LGSN: variants seen among roughly 807,000 people sequenced by gnomAD.
The protein encoded by LGSN is lengsin.
In LGSN, 21 loss-of-function variants were observed where a neutral mutation model predicts 19.5. That is an observed-to-expected ratio of 1.07 (90% CI 0.76 to 1.55). The LOEUF is 1.55. Ranked by LOEUF, LGSN falls within the 40% of genes most tolerant of loss-of-function variation. The pLI is 0.00. For missense variants in LGSN, 673 were observed against 608.5 expected (o/e 1.11, Z -1.12); for synonymous variants, 257 against 215.6 (o/e 1.19, Z -1.68).
At chr6:63,377,841 G>A in the LGSN span, among the ~76,000 whole-genome samples, 1 of 149,912 alleles carries the variant, frequency 6.7e-6, no homozygotes, top group Non-Finnish European at 1.5e-5. Context: ...TTGAACCCGG[G>A]AGGTGGAGGT....
chr6:63,447,754 A>C, the LGSN span, among the ~76,000 whole-genome samples: 1 of 152,188 alleles, frequency 6.6e-6, no homozygotes, highest in African/African-American at 2.4e-5. Flanking sequence ...TTTTATGTCA[A>C]AATCTTTCAT....
chr6:63,448,202 T>C, the LGSN span, among the ~76,000 whole-genome samples: 2 of 152,218 alleles, frequency 1.3e-5, no homozygotes, highest in Non-Finnish European at 2.9e-5. Context: ...TATCTCACTA[T>C]GTTATTTTAC....
the LGSN span, among the ~76,000 whole-genome samples, chr6:63,341,457 T>C: frequency 5.9e-5 from 9 of 152,172 alleles, no homozygotes; most frequent in African/African-American, 1.7e-4. Context: ...CAGGTGCTTG[T>C]CCGTCCTGTC....
At chr6:63,548,146 A>C in the LGSN span, among the ~76,000 whole-genome samples, 1 of 152,210 alleles carries the variant, frequency 6.6e-6, no homozygotes, top group Non-Finnish European at 1.5e-5. Context: ...GGTCTCAGTT[A>C]GATGACCCTC....
chr6:63,353,745 A>G, the LGSN span, among the ~76,000 whole-genome samples: 1 of 152,182 alleles, frequency 6.6e-6, no homozygotes, highest in East Asian at 1.9e-4. Context: ...ACTTCAAAAT[A>G]TATTACAAGG....
At chr6:63,546,690 G>C in the LGSN span, among the ~76,000 whole-genome samples, 2 of 151,240 alleles carry the variant, frequency 1.3e-5, no homozygotes, top group Non-Finnish European at 2.9e-5. Context: ...TGGCCAATGA[G>C]AGCAAAACTC....
the LGSN span, chr6:63,442,021 T>C: frequency 1.2e-5 from 2 of 167,358 alleles, no homozygotes; most frequent in African/African-American, 4.8e-5. Context: ...CCGGAGTTTC[T>C]TCCTTCTGGT....
At chr6:63,391,976 T>A in the LGSN span, among the ~76,000 whole-genome samples, 1 of 152,186 alleles carries the variant, frequency 6.6e-6, no homozygotes, top group Non-Finnish European at 1.5e-5. Flanking sequence ...AGTTTATTTT[T>A]AAAAATTACA....
chr6:63,551,685 C>T, the LGSN span, among the ~76,000 whole-genome samples: 1 of 149,858 alleles, frequency 6.7e-6, no homozygotes, highest in Admixed American at 6.7e-5. Context: ...ATCCCTCCCC[C>T]CTCCCCCTAC....
At chr6:63,438,141 G>A in the LGSN span, among the ~76,000 whole-genome samples, 9 of 151,952 alleles carry the variant, frequency 5.9e-5, no homozygotes, top group South Asian at 2.1e-4. Context: ...GGCCAGGTGC[G>A]GTGGCTCATG....
chr6:63,348,781 G>A, the LGSN span, among the ~76,000 whole-genome samples: 1 of 149,932 alleles, frequency 6.7e-6, no homozygotes, highest in African/African-American at 2.5e-5. Context: ...AATAGAGGTG[G>A]GGTCTTGCTG....
chr6:63,319,166 T>C (rs1025020764), intron 1 of LGSN, among the ~76,000 whole-genome samples: 1 of 152,222 alleles, frequency 6.6e-6, no homozygotes, highest in African/African-American at 2.4e-5. Flanking sequence ...CTCCACTACA[T>C]GCAAAAGTGG....
chr6:63,509,403 G>C, the LGSN span, among the ~76,000 whole-genome samples: 1 of 151,938 alleles, frequency 6.6e-6, no homozygotes, highest in Non-Finnish European at 1.5e-5. Context: ...TAATAAAATG[G>C]GAAAATGTTC....
At chr6:63,406,725 T>C in the LGSN span, among the ~76,000 whole-genome samples, 10 of 151,654 alleles carry the variant, frequency 6.6e-5, no homozygotes, top group African/African-American at 2.4e-4. Flanking sequence ...TTCAAAAAAT[T>C]AATGAATCCA....
the LGSN span, among the ~76,000 whole-genome samples, chr6:63,368,194 A>G: frequency 1.3e-5 from 2 of 152,306 alleles, no homozygotes; most frequent in Admixed American, 6.5e-5. Flanking sequence ...TTGAAGTTAA[A>G]GACGCCTGCT....
At chr6:63,405,898 T>C in the LGSN span, among the ~76,000 whole-genome samples, 65 of 152,122 alleles carry the variant, frequency 4.3e-4, no homozygotes, top group African/African-American at 1.6e-3. Context: ...TAAAACAGAC[T>C]TTAAACCAAC....
the LGSN span, among the ~76,000 whole-genome samples, chr6:63,426,082 C>G: frequency 6.6e-6 from 1 of 151,942 alleles, no homozygotes; most frequent in Non-Finnish European, 1.5e-5. Context: ...GACCACAATT[C>G]TCAGAAACTT....
chr6:63,307,899 C>G (rs1446158951), intron 1 of LGSN, among the ~76,000 whole-genome samples: 1 of 152,178 alleles, frequency 6.6e-6, no homozygotes, highest in African/African-American at 2.4e-5. Context: ...GAAGGCATAT[C>G]AAGCAGTCCG....
chr6:63,435,528 C>T, the LGSN span, among the ~76,000 whole-genome samples: 2 of 152,090 alleles, frequency 1.3e-5, no homozygotes, highest in Non-Finnish European at 2.9e-5. Context: ...ACCCACCCAC[C>T]CACAAGGTCT....
Sources: gnomAD v4.1 joint callset for allele counts (sites outside exome capture counted in the v4.1 genomes callset) on GRCh38, gnomAD v4.1.1 for gene constraint, MANE v1.5 for transcripts, NCBI Gene and HGNC (gene_info 2026-07-23, HGNC 2026-07-21) for gene names.